TBC1D16: variants seen among roughly 807,000 people sequenced by gnomAD.
TBC1D16 encodes CTD-2529O21.1.
A neutral mutation model predicts 74.7 loss-of-function variants in TBC1D16; 58 were observed. The ratio of observed to expected loss-of-function variants is 0.78; its 90% CI spans 0.63 to 0.97. The LOEUF (loss-of-function observed/expected upper bound fraction) is 0.97. Among genes scored for constraint, TBC1D16 ranks in the 50% least tolerant of loss-of-function variants. The pLI is 0.00. For synonymous variants in TBC1D16, 493 were observed against 474.7 expected, an observed-to-expected ratio of 1.04 and a Z score of -0.50; for missense variants, 1,014 against 1,079.5, an observed-to-expected ratio of 0.94 and a Z score of 0.85.
chr17:80,020,445 C>A (rs1244246555), intron 1 of TBC1D16, among the ~76,000 whole-genome samples: 1 of 149,086 alleles, frequency 6.7e-6, no homozygotes, highest in Non-Finnish European at 1.5e-5. Flanking sequence ...ATTAGCCAAG[C>A]GTAGGGGCGG....
At chr17:80,005,253 T>A (rs1209796995) in intron 3 of TBC1D16, among the ~76,000 whole-genome samples, 1 of 152,190 alleles carries the variant, frequency 6.6e-6, no homozygotes, top group African/African-American at 2.4e-5. Flanking sequence ...CAGCTAATTT[T>A]TTTTTCTTTT....
chr17:80,032,683 T>C (rs186851433), intron 1 of TBC1D16, among the ~76,000 whole-genome samples: 77 of 152,256 alleles, frequency 5.1e-4, no homozygotes, highest in African/African-American at 1.8e-3. Flanking sequence ...AGGGTGCAAA[T>C]GTGTGCTCTC....
chr17:79,958,216 A>ATTT lies in TBC1D16; in HGVS notation c.780-5401_780-5399dup, dbSNP rs557536242. Among the ~76,000 whole-genome samples, 119 of 137,458 alleles carry ATTT rather than the reference A, an allele frequency of 8.7e-4. 1 individual carries two copies. The highest frequency in any genetic ancestry group is 3.9e-3 in the Middle Eastern group (1 of 258). The allele number at this position is 137,458 out of a possible 152,430, so 90.2% of individuals were successfully genotyped here. ...GGGGAGAAAGAATATAAACTGACCA[A>ATTT]TTTTTTTTTTTTTTTTTTGAGATGG... On this transcript the variant is annotated intron_variant, in intron 3 of 11. Transcript: ENST00000310924.
chr17:79,943,809 C>A, intron 10 of TBC1D16: 1 of 1,308,756 alleles, frequency 7.6e-7, no homozygotes, highest in Middle Eastern at 3.1e-4. Flanking sequence ...GCTGAGTTCA[C>A]GGGTAACATC....
At position 80,021,149 on chromosome 17, in the gene TBC1D16, G is replaced by A. The variant is rs1188327466; in HGVS notation, c.-62-7540C>T. 1.3e-5 allele frequency among the ~76,000 whole-genome samples: 2 copies of A among 150,024 alleles called. 1 individual carries two copies. Among genetic ancestry groups the A allele is most frequent in the African/African-American group, 5.1e-5 (2 of 39,364 alleles). On this transcript the variant is annotated intron_variant, in intron 1 of 11. Transcript: ENST00000310924. ...TGCCTGTAATCCCAGCTACTCGGGAGGCTGAAGCATGAGAATCGCTTGAAC... is the reference window on the plus strand; with the variant it reads ...TGCCTGTAATCCCAGCTACTCGGGAAGCTGAAGCATGAGAATCGCTTGAAC...
rs1013560108 is a variant in TBC1D16, at chr17:79,994,929, C to T, written c.779+15231G>A. Among the ~76,000 whole-genome samples the T allele has an allele frequency of 3.9e-5, 6 of 152,240 alleles. No homozygotes were observed. The East Asian group carries it at 1.2e-3, about 29-fold the overall frequency. The stretch of plus-strand genomic sequence containing the variant: ...ATACTGATCCCACATTGGAATGATA[C>T]TATTTTGAACAAGCTGGGTAATTTA... On this transcript the variant is annotated intron_variant, in intron 3 of 11. Transcript: ENST00000310924. This position sits in a 1 kb window ranked among gnomAD's most constrained non-coding sequence, Gnocchi z 4.6.
rs374561376 is a variant in TBC1D16, at chr17:80,007,059, G to C, written c.779+3101C>G. ...GCCTTGCACTGAAGCACACGCTTCT[G>C]GCGGGGTGGGGAGAGTCCCATCCAC... On this transcript the variant is annotated intron_variant, in intron 3 of 11. Transcript: ENST00000310924. The surrounding 1 kb of genome is among the most constrained non-coding windows in gnomAD (Gnocchi z 4.5). 2.0e-5 allele frequency among the ~76,000 whole-genome samples: 3 copies of C among 152,244 alleles called. No homozygotes were observed. The highest frequency in any genetic ancestry group is 7.2e-5 in the African/African-American group (3 of 41,466).
intron 3 of TBC1D16, among the ~76,000 whole-genome samples, chr17:79,996,468 T>C (rs999202783): frequency 6.6e-6 from 1 of 151,898 alleles, no homozygotes; most frequent in Admixed American, 6.6e-5. Flanking sequence ...TTAAAAAAAA[T>C]AATAGTGACA....
chr17:79,944,830 G>A lies in TBC1D16; in HGVS notation c.1908+78C>T, dbSNP rs1365832042. 10 of 1,326,090 alleles carry A rather than the reference G, an allele frequency of 7.5e-6. No individual in the cohort carries two copies. Among genetic ancestry groups the A allele is most frequent in the South Asian group, 1.4e-5 (1 of 69,220 alleles). 82.1% of individuals were successfully genotyped at this position (1,326,090 alleles called of 1,614,324 possible). On this transcript the variant is annotated intron_variant, in intron 10 of 11. Coordinates refer to ENST00000310924, the MANE Select transcript of TBC1D16 (RefSeq NM_019020.4). This position sits in a 1 kb window ranked among gnomAD's most constrained non-coding sequence, Gnocchi z 7.7. The stretch of plus-strand genomic sequence containing the variant: ...GGGTGGGGGGCGGCGAGGCGGACAG[G>A]GGCAGCAGGCAGGGTGGCCACGGTG...
In TBC1D16 at chr17:80,007,577, A is replaced by G. The variant is rs1321281986; in HGVS notation, c.779+2583T>C. ...GAGTGTCAGAGCAGAGAAGGGGGCC[A>G]TGGGGAGGGCCCTCCTCAGCCCAGG... On this transcript the variant is annotated intron_variant, in intron 3 of 11. Transcript: ENST00000310924. This position sits in a 1 kb window ranked among gnomAD's most constrained non-coding sequence, Gnocchi z 4.5. Among the ~76,000 whole-genome samples the G allele has an allele frequency of 6.6e-6, 1 of 152,156 alleles. No individual in the cohort carries two copies. The highest frequency in any genetic ancestry group is 1.5e-5 in the Non-Finnish European group (1 of 68,032).
intron 3 of TBC1D16, among the ~76,000 whole-genome samples, chr17:79,982,681 C>A (rs1436955544): frequency 6.6e-6 from 1 of 150,702 alleles, no homozygotes; most frequent in African/African-American, 2.4e-5. Flanking sequence ...GGGGAAACTC[C>A]GCATCTACTA....
chr17:80,031,904 G>A lies in TBC1D16; in HGVS notation c.-63+3891C>T, dbSNP rs144614777. 6.2e-3 allele frequency among the ~76,000 whole-genome samples: 938 copies of A among 152,316 alleles called. 8 individuals are homozygous for A. The highest frequency in any genetic ancestry group is 8.8e-3 in the Non-Finnish European group (601 of 68,036). On this transcript the variant is annotated intron_variant, in intron 1 of 11. Transcript: ENST00000310924. ...CTTCTCAGCATCTGTCAGTGAAGGA[G>A]CAGTGAATGCACCGCAAAACAAAAC...
Position 80,035,565 on chromosome 17 carries a change from G to A in TBC1D16, c.-63+230C>T. Among the ~76,000 whole-genome samples, 1 of 151,882 alleles carries A rather than the reference G, an allele frequency of 6.6e-6. No homozygotes were observed. The highest frequency in any genetic ancestry group is 1.9e-4 in the East Asian group (1 of 5,160). ...ACTCGCCGCGGGGAAAAGTCCCCAG[G>A]TGCCCCTCCGTGATCCAGGTCCTCC... On this transcript the variant is annotated intron_variant, in intron 1 of 11. Transcript: ENST00000310924. The surrounding 1 kb of genome is among the most constrained non-coding windows in gnomAD (Gnocchi z 5.3).
In TBC1D16 at chr17:79,949,950, G is replaced by T. The variant is rs1047450365; in HGVS notation, c.1258-85C>A. On this transcript the variant is annotated intron_variant, in intron 6 of 11. Transcript: ENST00000310924. The stretch of plus-strand genomic sequence containing the variant: ...AATCCCCAGAGATGTGTGTTTTGGT[G>T]GTTTTTGGTGCGCCTTGATTCAGAT... The T allele has an allele frequency of 6.7e-6, 10 of 1,486,078 alleles. No homozygotes were observed. In the African/African-American group the frequency reaches 1.4e-4, roughly 21 times the overall value. 92.1% of individuals were successfully genotyped at this position (1,486,078 alleles called of 1,614,324 possible). A position where few individuals can be genotyped will look rare whatever the true frequency, so the allele number is the denominator to read the frequency against.
chr17:79,974,046 T>C (rs2034229079), intron 3 of TBC1D16, among the ~76,000 whole-genome samples: 1 of 152,198 alleles, frequency 6.6e-6, no homozygotes, highest in Non-Finnish European at 1.5e-5. Flanking sequence ...GCATCACTGC[T>C]CTGGTGCTGT....
intron 1 of TBC1D16, among the ~76,000 whole-genome samples, chr17:80,022,723 G>A (rs2036328782): frequency 6.8e-6 from 1 of 147,586 alleles, no homozygotes; most frequent in African/African-American, 2.6e-5. Flanking sequence ...TGCAACCTCC[G>A]CCTCCCAGGT....
intron 3 of TBC1D16, among the ~76,000 whole-genome samples, chr17:79,997,623 G>A (rs188945248): frequency 1.3e-5 from 2 of 152,298 alleles, no homozygotes; most frequent in African/African-American, 2.4e-5. Flanking sequence ...AGAGTACAGC[G>A]AGTTTCCCCT....
chr17:79,972,425 T>A lies in TBC1D16; in HGVS notation c.780-19607A>T, dbSNP rs564812653. ...CTCCTGACCTCGTGGTCCACCCGCC[T>A]TGGCCTCCCAAAAAAAAAGTGCTGG... On this transcript the variant is annotated intron_variant, in intron 3 of 11. Coordinates refer to ENST00000310924, the MANE Select transcript of TBC1D16 (RefSeq NM_019020.4). 3.9e-5 allele frequency among the ~76,000 whole-genome samples: 6 copies of A among 152,262 alleles called. No individual in the cohort carries two copies. The South Asian group carries it at 1.2e-3, about 32-fold the overall frequency.
intron 1 of TBC1D16, among the ~76,000 whole-genome samples, chr17:80,015,395 C>G (rs1185874473): frequency 6.6e-6 from 1 of 152,084 alleles, no homozygotes; most frequent in East Asian, 1.9e-4. Context: ...GATTGAGTCA[C>G]TGCACTCCAG....
Sources: gnomAD v4.1 joint callset for allele counts (sites outside exome capture counted in the v4.1 genomes callset) on GRCh38, gnomAD v4.1.1 for gene constraint, Gnocchi (gnomAD v3.1) non-coding constraint, MANE v1.5 for transcripts, NCBI Gene and HGNC (gene_info 2026-07-23, HGNC 2026-07-21) for gene names.